SAMSN1: variants seen among roughly 807,000 people sequenced by gnomAD.
SAMSN1 encodes SAM domain, SH3 domain and nuclear localization signals 1.
A neutral mutation model predicts 42.0 loss-of-function variants in SAMSN1; 31 were observed. The observed-to-expected ratio is 0.74, with a 90% CI of 0.55 to 1.00. SAMSN1 has a LOEUF of 1.00. SAMSN1 is among the 50% of genes least tolerant of loss of function. The pLI is 0.00. For missense variants in SAMSN1, 464 were observed against 439.4 expected (o/e 1.06, Z -0.50); for synonymous variants, 178 against 151.9 (o/e 1.17, Z -1.26).
intron 2 of SAMSN1, among the ~76,000 whole-genome samples, chr21:14,556,308 A>G (rs1434067096): frequency 6.6e-6 from 1 of 152,190 alleles, no homozygotes; most frequent in Non-Finnish European, 1.5e-5. Flanking sequence ...TCATGCCATC[A>G]TCTTTGAGAA....
At chr21:14,590,353 C>T (rs111461004) in intron 7 of SAMSN1, among the ~76,000 whole-genome samples, 2 of 151,890 alleles carry the variant, frequency 1.3e-5, no homozygotes, top group Non-Finnish European at 2.9e-5. Flanking sequence ...TAAGAACTTA[C>T]TGTAGCTTTG....
intron 3 of SAMSN1, among the ~76,000 whole-genome samples, chr21:14,613,247 C>T (rs1451995964): frequency 2.6e-5 from 4 of 152,208 alleles, no homozygotes; most frequent in African/African-American, 9.6e-5. Context: ...TCAATAAATA[C>T]AGAAAGAATG....
chr21:14,642,869 G>T lies in SAMSN1; in HGVS notation c.156+133C>A, dbSNP rs551445665. ...AAAAAAGACAACAAGAAAGAGAAAA[G>T]CAGAAACTAAAGGAAAAGGAATAAC... On this transcript the variant is annotated intron_variant, in intron 2 of 15. Coordinates refer to the SAMSN1 transcript ENST00000647101. The T allele has an allele frequency of 1.3e-4, 76 of 572,948 alleles. No homozygotes were observed. In the South Asian group the frequency reaches 1.9e-3, roughly 14 times the overall value. 35.5% of individuals were successfully genotyped at this position (572,948 alleles called of 1,614,324 possible). A position where few individuals can be genotyped will look rare whatever the true frequency, so the allele number is the denominator to read the frequency against.
chr21:14,504,061 C>T (rs1987294451), intron 5 of SAMSN1, among the ~76,000 whole-genome samples: 1 of 152,120 alleles, frequency 6.6e-6, no homozygotes, highest in Admixed American at 6.5e-5. Flanking sequence ...GGGGAGAGTA[C>T]TACATCAAGG....
intron 7 of SAMSN1, 108 bp downstream of exon 7, chr21:14,498,334 G>A (rs1020891649): frequency 3.5e-5 from 31 of 876,512 alleles, no homozygotes; most frequent in Admixed American, 5.6e-5. Flanking sequence ...ATGGGAAAGC[G>A]TGCTTTCATG....
At chr21:14,580,082 A>G (rs1418049960) in intron 2 of SAMSN1, among the ~76,000 whole-genome samples, 1 of 152,172 alleles carries the variant, frequency 6.6e-6, no homozygotes, top group Admixed American at 6.5e-5. Context: ...GCCTGGTGTT[A>G]CTCAGAAAAG....
intron 1 of SAMSN1, among the ~76,000 whole-genome samples, chr21:14,539,583 C>T (rs984677307): frequency 2.0e-5 from 3 of 151,702 alleles, no homozygotes; most frequent in African/African-American, 4.9e-5. Context: ...ATCCAACTTA[C>T]AAGGGATGTG....
Position 14,630,546 on chromosome 21 carries a change from C to T in SAMSN1, c.156+12456G>A, listed in dbSNP as rs17003822. Among the ~76,000 whole-genome samples, 5 of 151,968 alleles carry T rather than the reference C, an allele frequency of 3.3e-5. No individual in the cohort carries two copies. In the South Asian group the frequency reaches 8.3e-4, roughly 25 times the overall value. On this transcript the variant is annotated intron_variant, in intron 2 of 15. Transcript: ENST00000647101. Reference sequence around the variant, plus strand: ...TTAACATAAGTCTCTATTTACGGGACGAAACCAATTAAAACTACCAAAAGG... The same window carrying T: ...TTAACATAAGTCTCTATTTACGGGATGAAACCAATTAAAACTACCAAAAGG...
intron 7 of SAMSN1, among the ~76,000 whole-genome samples, chr21:14,496,991 G>A (rs1247533392): frequency 6.6e-6 from 1 of 152,114 alleles, no homozygotes; most frequent in African/African-American, 2.4e-5. Flanking sequence ...GCCCACAAAA[G>A]GACAATCAGG....
intron 2 of SAMSN1, among the ~76,000 whole-genome samples, chr21:14,555,370 C>G (rs9980395): frequency 6.6e-6 from 1 of 152,006 alleles, no homozygotes; most frequent in African/African-American, 2.4e-5. Flanking sequence ...TTGCCAACTA[C>G]ATTCCTTCAC....
At chr21:14,513,513 G>T (rs1987778198) in intron 3 of SAMSN1, among the ~76,000 whole-genome samples, 1 of 137,732 alleles carries the variant, frequency 7.3e-6, no homozygotes. Flanking sequence ...GTGTGTGTTT[G>T]TGTGTGCGTG....
At chr21:14,659,093 A>C (rs142116588), upstream of SAMSN1, among the ~76,000 whole-genome samples, 34 of 152,104 alleles carry the variant, frequency 2.2e-4, no homozygotes, top group African/African-American at 8.2e-4. Flanking sequence ...AACTACAGGC[A>C]AACCTGGAGA....
intron 5 of SAMSN1, among the ~76,000 whole-genome samples, chr21:14,503,736 C>T (rs76400844): frequency 0.027 from 4,126 of 152,148 alleles, 164 homozygotes; most frequent in African/African-American, 0.086. Flanking sequence ...AGCTCCAACT[C>T]GAGCAGAGGA....
At chr21:14,596,799 C>T (rs920984113) in intron 6 of SAMSN1, among the ~76,000 whole-genome samples, 1 of 152,124 alleles carries the variant, frequency 6.6e-6, no homozygotes, top group South Asian at 2.1e-4. Flanking sequence ...TCAGATAACA[C>T]CTTGAGCGAC....
rs1278221909 is a variant in SAMSN1, at chr21:14,577,282, ATATT to A, written c.261+4850_261+4853del. Among the ~76,000 whole-genome samples, 99 of 50,496 alleles carry A rather than the reference ATATT, an allele frequency of 2.0e-3. 2 individuals carry two copies. Among genetic ancestry groups the A allele is most frequent in the Non-Finnish European group, 2.7e-3 (76 of 27,944 alleles). 33.1% of individuals were successfully genotyped at this position (50,496 alleles called of 152,430 possible). A position where few individuals can be genotyped will look rare whatever the true frequency, so the allele number is the denominator to read the frequency against. On this transcript the variant is annotated intron_variant, in intron 2 of 8. Transcript: ENST00000285670. ...TATATATATATATATATATATATAT[ATATT>A]TTTTTTTTAGAAGAGACAGGGTTTT...
chr21:14,581,094 C>G (rs890091922), intron 2 of SAMSN1, among the ~76,000 whole-genome samples: 8 of 151,968 alleles, frequency 5.3e-5, no homozygotes, highest in Admixed American at 2.0e-4. Context: ...GTAGCACAGC[C>G]AGAATCCATC....
intron 2 of SAMSN1, among the ~76,000 whole-genome samples, chr21:14,569,919 A>G (rs1981241629): frequency 6.6e-6 from 1 of 151,752 alleles, no homozygotes; most frequent in African/African-American, 2.4e-5. Context: ...TTTTTTTTCT[A>G]AAAGGAAATA....
At position 14,552,631 on chromosome 21, in the gene SAMSN1, C is replaced by T. The variant is rs531866653; in HGVS notation, c.261+29505G>A. Among the ~76,000 whole-genome samples, 4 of 152,188 alleles carry T rather than the reference C, an allele frequency of 2.6e-5. No homozygotes were observed. In the South Asian group the frequency reaches 6.2e-4, roughly 24 times the overall value. On this transcript the variant is annotated intron_variant, in intron 2 of 8. Coordinates refer to the SAMSN1 transcript ENST00000285670. ...CCTCTAAACTGTGAGAAATGAATTT[C>T]TGTTGTTTGGAAGCTACCCCAAGTT...
chr21:14,629,869 A>G (rs578106055), intron 2 of SAMSN1, among the ~76,000 whole-genome samples: 3 of 152,276 alleles, frequency 2.0e-5, no homozygotes, highest in East Asian at 3.9e-4. Context: ...CCTCCTTTGC[A>G]AAAAGATTCC....
Sources: gnomAD v4.1 joint callset for allele counts (sites outside exome capture counted in the v4.1 genomes callset) on GRCh38, gnomAD v4.1.1 for gene constraint, MANE v1.5 for transcripts, NCBI Gene and HGNC (gene_info 2026-07-23, HGNC 2026-07-21) for gene names.